Variants in HIVEP2 observed in about 807,000 individuals in gnomAD.
HIVEP2 encodes transcription factor HIVEP2.
In HIVEP2, 14 loss-of-function variants were observed where a neutral mutation model predicts 180.7. The ratio of observed to expected loss-of-function variants is 0.08; its 90% CI spans 0.05 to 0.12. The LOEUF (loss-of-function observed/expected upper bound fraction) is 0.12. HIVEP2 is among the 10% of genes least tolerant of loss of function. The pLI, the probability that HIVEP2 is intolerant of heterozygous loss-of-function variation, is 1.00. For missense variants in HIVEP2, 2,579 were observed against 3,008.5 expected, an observed-to-expected ratio of 0.86 and a Z score of 3.34; for synonymous variants, 1,184 against 1,136.4, an observed-to-expected ratio of 1.04 and a Z score of -0.84.
chr6:142,776,410 A>G (rs1444577917), intron 3 of HIVEP2, among the ~76,000 whole-genome samples: 1 of 152,244 alleles, frequency 6.6e-6, no homozygotes, highest in African/African-American at 2.4e-5. Flanking sequence ...AAAATATTAT[A>G]AAAACATCAT....
intron 2 of HIVEP2, among the ~76,000 whole-genome samples, chr6:142,813,573 G>GTTT (rs1197621182): frequency 3.0e-5 from 4 of 131,286 alleles, no homozygotes; most frequent in Non-Finnish European, 4.9e-5. Flanking sequence ...TCAGTTCAGA[G>GTTT]TTTTTTTTTT....
Position 142,773,828 on chromosome 6 carries a change from T to C in HIVEP2, c.911A>G (p.Asp304Gly), listed in dbSNP as rs781262847. Residue 304 changes from aspartate (D) to glycine (G), a missense_variant, in exon 5 of 10, where the codon GAC becomes GGC. Asp to Gly is a moderately conservative substitution (Grantham distance 94). Coordinates refer to ENST00000367603, the MANE Select transcript of HIVEP2 (RefSeq NM_006734.4). The stretch of plus-strand genomic sequence containing the variant: ...ATGATAGCCGCCTCTGCTGGCAATG[T>C]CCAGTGGGATGGGTGGACCAGGACT... Reference protein sequence around the residue: ...KMSPGPPIPLDIASRGGYHGS... With the variant: ...KMSPGPPIPLGIASRGGYHGS... The C allele has an allele frequency of 4.3e-6, 7 of 1,613,774 alleles. No homozygotes were observed. The East Asian group carries it at 6.7e-5, about 15-fold the overall frequency.
intron 1 of HIVEP2, among the ~76,000 whole-genome samples, chr6:142,866,767 C>A (rs578111333): frequency 6.6e-6 from 1 of 152,122 alleles, no homozygotes; most frequent in African/African-American, 2.4e-5. Flanking sequence ...GTTGATCTGA[C>A]CACATCAGGA....
At chr6:142,892,289 G>C (rs968088750) in intron 1 of HIVEP2, among the ~76,000 whole-genome samples, 1 of 152,112 alleles carries the variant, frequency 6.6e-6, no homozygotes, top group East Asian at 1.9e-4. Context: ...ATAAAGAAGG[G>C]GCAAGTCCAA....
chr6:142,803,840 C>A (rs979947707), intron 2 of HIVEP2, among the ~76,000 whole-genome samples: 3 of 152,148 alleles, frequency 2.0e-5, no homozygotes, highest in African/African-American at 7.2e-5. Flanking sequence ...ATGGGAACAT[C>A]ACTCCTTCAC....
At position 142,753,483 on chromosome 6, in the gene HIVEP2, T is replaced by C; in HGVS notation, c.6965A>G (p.Gln2322Arg). Residue 2322 changes from glutamine (Q) to arginine (R), a missense_variant, in exon 10 of 10, where the codon CAG (glutamine) becomes CGG (arginine). This residue lies in a region of HIVEP2 where 660 missense variants were observed against 731.7 expected (regional missense o/e 0.90). Transcript: ENST00000367603. ...TGTACAAGTCTGTATATTTTCCTCC[T>C]GTTCCCGCTCTGTTGCGTTTAGGCT... is the stretch of plus-strand genomic sequence containing the variant. The part of the protein sequence containing the change: ...EDSLNATERE[Q>R]EENIQTCTKA... 6.2e-7 allele frequency: 1 copy of C among 1,614,118 alleles called. No individual in the cohort carries two copies. The highest frequency in any genetic ancestry group is 8.5e-7 in the Non-Finnish European group (1 of 1,180,046).
At chr6:142,896,849 G>T (rs1251303431) in intron 1 of HIVEP2, among the ~76,000 whole-genome samples, 4 of 151,840 alleles carry the variant, frequency 2.6e-5, no homozygotes, top group Non-Finnish European at 4.4e-5. Context: ...GCTCTACTTG[G>T]TCAGCACATA....
chr6:142,888,705 A>C (rs538540714), intron 1 of HIVEP2, among the ~76,000 whole-genome samples: 1 of 152,284 alleles, frequency 6.6e-6, no homozygotes, highest in East Asian at 1.9e-4. Flanking sequence ...AGTCATCCTT[A>C]ACTCCTCCTT....
chr6:142,817,640 G>A (rs1268207274), intron 2 of HIVEP2, among the ~76,000 whole-genome samples: 1 of 152,134 alleles, frequency 6.6e-6, no homozygotes, highest in African/African-American at 2.4e-5. Flanking sequence ...AAATTGACAA[G>A]GCAACGGAAG....
chr6:142,815,731 G>C (rs944035484), intron 2 of HIVEP2, among the ~76,000 whole-genome samples: 2 of 152,154 alleles, frequency 1.3e-5, no homozygotes, highest in Non-Finnish European at 2.9e-5. Context: ...CACATGCATG[G>C]TCTTGTTTAA....
chr6:142,777,329 T>G lies in HIVEP2; in HGVS notation c.-432-1138A>C, dbSNP rs182641608. 1.2e-4 allele frequency among the ~76,000 whole-genome samples: 18 copies of G among 152,060 alleles called. No individual in the cohort carries two copies. The East Asian group carries it at 3.5e-3, about 29-fold the overall frequency. On this transcript the variant is annotated intron_variant, in intron 3 of 9. Coordinates refer to ENST00000367603, the MANE Select transcript of HIVEP2 (RefSeq NM_006734.4). ...GAAACTTGTTCAGGGGATAGTAACA[T>G]TAAATGCAAGAAAAGCTTATTGCAC...
intron 3 of HIVEP2, among the ~76,000 whole-genome samples, chr6:142,781,728 A>G (rs565929784): frequency 6.6e-6 from 1 of 152,316 alleles, no homozygotes; most frequent in South Asian, 2.1e-4. Context: ...GCCACTCTTC[A>G]GAGTCCCACT....
intron 2 of HIVEP2, among the ~76,000 whole-genome samples, chr6:142,796,019 C>T (rs769103729): frequency 1.3e-5 from 2 of 152,048 alleles, no homozygotes; most frequent in Non-Finnish European, 2.9e-5. Flanking sequence ...GGGGAGCCCA[C>T]GTGGAGAGGA....
At chr6:142,798,447 T>C (rs1776330168) in intron 2 of HIVEP2, among the ~76,000 whole-genome samples, 1 of 152,166 alleles carries the variant, frequency 6.6e-6, no homozygotes, top group Admixed American at 6.5e-5. Flanking sequence ...TTGCTGTCAA[T>C]AGTGTCATAC....
Position 142,768,523 on chromosome 6 carries a change from G to A in HIVEP2, c.5201C>T (p.Ala1734Val), listed in dbSNP as rs200645897. Residue 1734 changes from alanine to valine, a missense_variant, in exon 6 of 10, where the codon GCG becomes GTG. Physicochemically the swap from Ala to Val is moderately conservative, Grantham distance 64 (BLOSUM62 0). Around this residue, in one of 11 missense-constraint regions of HIVEP2, gnomAD observed 349 missense variants for 367.2 expected, o/e 0.95. Transcript: ENST00000367603. ...WKQFTQMKPD[A>V]SFLFGSKLER... ...TAGTTTGCTGCCAAATAAAAAGGAC[G>A]CATCAGGTTTCATCTGTAAGACAAG... 1.5e-5 allele frequency: 24 copies of A among 1,613,026 alleles called. No individual in the cohort carries two copies. The highest frequency in any genetic ancestry group is 8.9e-5 in the East Asian group (4 of 44,800).
chr6:142,915,477 G>A (rs1056728777), intron 1 of HIVEP2, among the ~76,000 whole-genome samples: 8 of 152,104 alleles, frequency 5.3e-5, no homozygotes, highest in African/African-American at 1.9e-4. Flanking sequence ...TAACCCTGCT[G>A]ACACCTTGGC....
chr6:142,802,459 A>C (rs1582873110), intron 2 of HIVEP2, among the ~76,000 whole-genome samples: 2 of 152,136 alleles, frequency 1.3e-5, no homozygotes, highest in East Asian at 3.9e-4. Flanking sequence ...TCGAAATTTA[A>C]AGGATGCTTT....
At position 142,936,826 on chromosome 6, in the gene HIVEP2, A is replaced by AT. The variant is rs777113177; in HGVS notation, c.-641+8272dup. ...AATGTAAACTCCATGAAGGCAAGGAATTTTTTTTTTTTTTTTTACTATTTT... is the reference window on the plus strand; with the variant it reads ...AATGTAAACTCCATGAAGGCAAGGAATTTTTTTTTTTTTTTTTTACTATTTT... On this transcript the variant is annotated intron_variant, in intron 1 of 9. Coordinates refer to ENST00000367603, the MANE Select transcript of HIVEP2 (RefSeq NM_006734.4). Among the ~76,000 whole-genome samples, 1,364 of 142,532 alleles carry AT rather than the reference A, an allele frequency of 9.6e-3. 11 individuals are homozygous for AT. Among genetic ancestry groups the AT allele is most frequent in the African/African-American group, 0.019 (723 of 38,828 alleles). The allele number at this position is 142,532 out of a possible 152,430, so 93.5% of individuals were successfully genotyped here. A position where few individuals can be genotyped will look rare whatever the true frequency, so the allele number is the denominator to read the frequency against.
intron 9 of HIVEP2, among the ~76,000 whole-genome samples, chr6:142,755,715 T>C (rs372197605): frequency 6.6e-6 from 1 of 152,190 alleles, no homozygotes; most frequent in African/African-American, 2.4e-5. Context: ...ACTACAATAA[T>C]ACTCAGCATG....
Sources: allele counts gnomAD v4.1 joint callset (sites outside exome capture counted in the v4.1 genomes callset), GRCh38; gene constraint gnomAD v4.1.1; regional missense constraint gnomAD v4.1.1; transcripts MANE v1.5; gene names NCBI Gene and HGNC (gene_info 2026-07-23, HGNC 2026-07-21).